PLEC: variants seen among roughly 807,000 people sequenced by gnomAD.
PLEC encodes hemidesmosomal protein 1.
Under a neutral mutation model 392.8 loss-of-function variants are expected in PLEC, and 216 were observed. The observed-to-expected ratio is 0.55, with a 90% CI of 0.49 to 0.62. The LOEUF (loss-of-function observed/expected upper bound fraction) is 0.62, where lower values mean the gene tolerates loss of function less well. Ranked by LOEUF, PLEC falls within the 20% of genes least tolerant of loss-of-function variation. PLEC has a pLI of 0.00. For synonymous variants in PLEC, 3,621 were observed against 2,980.6 expected (o/e 1.21, Z -7.00); for missense variants, 6,863 against 6,563.4 (o/e 1.05, Z -1.58).
chr8:143,939,777 C>A (rs1830089356), upstream of PLEC, among the ~76,000 whole-genome samples: 1 of 152,012 alleles, frequency 6.6e-6, no homozygotes, highest in African/African-American at 2.4e-5. Flanking sequence ...GGTTTCCTCA[C>A]CCACCCCGAC....
At chr8:143,958,517 A>T (rs2132841638), upstream of PLEC, 1 of 352,356 alleles carries the variant, frequency 2.8e-6, no homozygotes, top group Non-Finnish European at 6.0e-6. This position sits in a 1 kb window ranked among gnomAD's most constrained non-coding sequence, Gnocchi z 4.9. Context: ...TCCTGTGCCC[A>T]CTGTCTCCAC....
Position 143,927,096 on chromosome 8 carries a change from T to G in PLEC, c.3841-15A>C, listed in dbSNP as rs1554706657. On this transcript the variant is annotated splice_polypyrimidine_tract_variant and intron_variant, in intron 28 of 31. Transcript: ENST00000345136. ...AGTTCATAGTCCTGTGGCAATGCAC[T>G]GCGGTCAGCCACCAGCTCTGCCCTC... The G allele has an allele frequency of 2.5e-6, 4 of 1,603,584 alleles. No homozygotes were observed. The South Asian group carries it at 3.3e-5, about 13-fold the overall frequency.
Position 143,919,984 on chromosome 8 carries a change from G to A in PLEC, c.9837C>T (p.Val3279=), listed in dbSNP as rs1024230273. The A allele has an allele frequency of 5.6e-6, 9 of 1,613,338 alleles. No individual in the cohort carries two copies. The highest frequency in any genetic ancestry group is 7.6e-6 in the Non-Finnish European group (9 of 1,180,028). Residue 3279 remains valine (V), a synonymous_variant, in exon 32 of 32, where the codon GTC becomes GTT. Coordinates refer to ENST00000345136, the MANE Select transcript of PLEC (RefSeq NM_201384.3). ...ELLRQFRTGK[V]TVEKVIKILI... ...GAATCTTGATGACCTTCTCCACGGT[G>A]ACCTTGCCCGTGCGGAACTGACGCA...
At chr8:143,938,369 C>A in intron 2 of PLEC, 129 bp from the exon 3 acceptor site, 1 of 1,535,654 alleles carries the variant, frequency 6.5e-7, no homozygotes. Flanking sequence ...CGGGAGCCCA[C>A]GGAACACACC....
intron 1 of PLEC, among the ~76,000 whole-genome samples, chr8:143,959,547 A>G (rs1832766349): frequency 6.6e-6 from 1 of 152,128 alleles, no homozygotes; most frequent in Non-Finnish European, 1.5e-5. Flanking sequence ...CTGCCAGGAG[A>G]CTCCTTACAC....
Position 143,930,426 on chromosome 8 carries a change from G to A in PLEC, c.2415C>T (p.Gly805=), listed in dbSNP as rs1554713786. ...CGCACACGGCCAGCAGGGGCAGGCG[G>A]CCCCGCATGGGGTGGGCTGGGTGGC... The part of the protein sequence containing the change: ...KPRHPAHPMR[G]RLPLLAVCDY... The change falls in exon 20 of 32, where the codon GGC becomes GGT. Residue 805 remains glycine, a synonymous_variant. Coordinates refer to ENST00000345136, the MANE Select transcript of PLEC (RefSeq NM_201384.3). 6.4e-7 allele frequency: 1 copy of A among 1,572,772 alleles called. No homozygotes were observed. The highest frequency in any genetic ancestry group is 1.8e-5 in the Admixed American group (1 of 54,316).
At chr8:143,968,054 G>A (rs1172953439) in intron 1 of PLEC, among the ~76,000 whole-genome samples, 2 of 151,832 alleles carry the variant, frequency 1.3e-5, no homozygotes, top group African/African-American at 4.8e-5. Flanking sequence ...CTTGAACCCA[G>A]GAGGCAGAGG....
Position 143,919,935 on chromosome 8 carries a change from C to T in PLEC, c.9886G>A (p.Glu3296Lys). 1 of 1,613,402 alleles carries T rather than the reference C, an allele frequency of 6.2e-7. No individual in the cohort carries two copies. The highest frequency in any genetic ancestry group is 8.5e-7 in the Non-Finnish European group (1 of 1,180,040). Reference sequence around the variant, plus strand: ...GACAGCCTCTCCTGCCGCAGGGTCTCCACCTCCTCCACGATGGTAATGAGA... The same window carrying T: ...GACAGCCTCTCCTGCCGCAGGGTCTTCACCTCCTCCACGATGGTAATGAGA... ...KILITIVEEV[E>K]TLRQERLSFS... The change falls in exon 32 of 32, where the codon GAG (glutamate) becomes AAG (lysine). Residue 3296 changes from glutamate to lysine, a missense_variant. Transcript: ENST00000345136.
chr8:143,946,212 C>G (rs1272043487), intron 1 of PLEC: 13 of 521,084 alleles, frequency 2.5e-5, no homozygotes, highest in Non-Finnish European at 4.0e-5. Flanking sequence ...TGGGGCAGCT[C>G]CGAGAGGGGG....
intron 15 of PLEC, 34 bp from the exon 16 acceptor site, chr8:143,932,595 G>C (rs782652853): frequency 1.9e-6 from 3 of 1,612,074 alleles, no homozygotes; most frequent in Non-Finnish European, 2.5e-6. Context: ...AGCAGGCCGC[G>C]GGCTACCCAC....
At chr8:143,975,408 C>T (rs782423655), upstream of PLEC, 13 of 1,581,682 alleles carry the variant, frequency 8.2e-6, no homozygotes, top group Non-Finnish European at 1.0e-5. The surrounding 1 kb of genome is among the most constrained non-coding windows in gnomAD (Gnocchi z 9.9). Flanking sequence ...CACATCTCTG[C>T]CTGTTCAGGA....
upstream of PLEC, chr8:143,950,892 G>A (rs572480261): frequency 6.4e-6 from 8 of 1,254,116 alleles, no homozygotes; most frequent in Admixed American, 1.1e-4. Flanking sequence ...TGTGTGGCTC[G>A]TGGCGCCTGG....
chr8:143,919,423 C>T lies in PLEC; in HGVS notation c.10398G>A (p.Glu3466=). The change falls in exon 32 of 32, where the codon GAG becomes GAA. Residue 3466 remains glutamate, a synonymous_variant. Transcript: ENST00000345136. The stretch of plus-strand genomic sequence containing the variant: ...TGATGCCGCCCGTGGCGATCTGGGC[C>T]TCCAGCAGGCGGATGCCGTGCTGCC... ...VLRQHGIRLL[E]AQIATGGIID... is the part of the protein sequence containing the mutation. 6.2e-7 allele frequency: 1 copy of T among 1,613,378 alleles called. No homozygotes were observed. The highest frequency in any genetic ancestry group is 1.1e-5 in the South Asian group (1 of 91,054).
At chr8:143,954,489 C>T (rs1032544537), upstream of PLEC, among the ~76,000 whole-genome samples, 3 of 152,236 alleles carry the variant, frequency 2.0e-5, no homozygotes, top group Admixed American at 6.5e-5. This position sits in a 1 kb window ranked among gnomAD's most constrained non-coding sequence, Gnocchi z 4.6. Context: ...CTGCGCCCCC[C>T]AGTCTGCCCA....
rs201922111 is a variant in PLEC, at chr8:143,923,465, G to A, written c.6464C>T (p.Ala2155Val). 1.8e-4 allele frequency: 293 copies of A among 1,605,840 alleles called. 2 individuals are homozygous for A. The highest frequency in any genetic ancestry group is 8.8e-4 in the South Asian group (80 of 90,972). Residue 2155 changes from alanine (A) to valine (V), a missense_variant, in exon 31 of 32, where the codon GCG becomes GTG. Ala to Val is a moderately conservative substitution (Grantham distance 64). Coordinates refer to ENST00000345136, the MANE Select transcript of PLEC (RefSeq NM_201384.3). ...AGCTGCCTGCTTCTGCCGCAGGGCC[G>A]CCTGCTCCGCCTGTGCCCGCCGCGC... ...EAARRAQAEQ[A>V]ALRQKQAADA...
In PLEC at chr8:143,929,830, C is replaced by G; in HGVS notation, c.2740-1G>C. On this transcript the variant is annotated splice_acceptor_variant, in intron 22 of 31. Transcript: ENST00000345136. LOFTEE classifies it high-confidence loss of function. ...GCTCCTCTGGCTTCAGGGTGCGGAA[C>G]TGGGGGAAGCACGTGGGGCTGAGTG... 2 of 1,599,568 alleles carry G rather than the reference C, an allele frequency of 1.3e-6. No homozygotes were observed. Among genetic ancestry groups the G allele is most frequent in the East Asian group, 4.5e-5 (2 of 44,790 alleles).
In PLEC at chr8:143,932,505, G is replaced by A. The variant is rs782547448; in HGVS notation, c.1872C>T (p.Ala624=). The A allele has an allele frequency of 2.4e-5, 38 of 1,612,202 alleles. No individual in the cohort carries two copies. The highest frequency in any genetic ancestry group is 2.9e-5 in the Non-Finnish European group (34 of 1,179,844). The change falls in exon 16 of 32, where the codon GCC becomes GCT. Residue 624 remains alanine, a synonymous_variant. Coordinates refer to ENST00000345136, the MANE Select transcript of PLEC (RefSeq NM_201384.3). ...TCAGCCACATTAGCTCCTTAGTGGCGGCTGCCACAAAGCTGTGCAAGCTCT... is the reference window on the plus strand; with the variant it reads ...TCAGCCACATTAGCTCCTTAGTGGCAGCTGCCACAAAGCTGTGCAAGCTCT... ...SLESLHSFVA[A]ATKELMWLNE...
At chr8:143,952,727 C>T (rs1385364293), upstream of PLEC, among the ~76,000 whole-genome samples, 2 of 152,186 alleles carry the variant, frequency 1.3e-5, no homozygotes, top group African/African-American at 4.8e-5. Flanking sequence ...GACCTAGGTT[C>T]TCTCCTACAC....
In PLEC at chr8:143,923,131, C is replaced by T. The variant is rs562384831; in HGVS notation, c.6798G>A (p.Leu2266=). 6.2e-7 allele frequency: 1 copy of T among 1,603,968 alleles called. No homozygotes were observed. Among genetic ancestry groups the T allele is most frequent in the Admixed American group, 1.7e-5 (1 of 59,994 alleles). Residue 2266 remains leucine (L), a synonymous_variant, in exon 31 of 32, where the codon CTG becomes CTA. Transcript: ENST00000345136. ...LRDKDNTQRF[L]QEEAEKMKQV... is the part of the protein sequence containing the mutation. ...GCTTCATCTTCTCAGCCTCCTCCTGCAGGAAGCGCTGCGTATTGTCCTTGT... is the reference window on the plus strand; with the variant it reads ...GCTTCATCTTCTCAGCCTCCTCCTGTAGGAAGCGCTGCGTATTGTCCTTGT...
Sources: gnomAD v4.1 joint callset for allele counts (sites outside exome capture counted in the v4.1 genomes callset) on GRCh38, gnomAD v4.1.1 for gene constraint, Gnocchi (gnomAD v3.1) non-coding constraint, MANE v1.5 for transcripts, NCBI Gene and HGNC (gene_info 2026-07-23, HGNC 2026-07-21) for gene names.